The following UBE2F variants were observed in gnomAD, a reference collection of about 807,000 sequenced individuals.
The protein encoded by UBE2F is ubiquitin conjugating enzyme E2 F (putative).
A neutral mutation model predicts 29.6 loss-of-function variants in UBE2F; 5 were observed. That is an observed-to-expected ratio of 0.17 (90% CI 0.09 to 0.36). The LOEUF is 0.36. UBE2F is among the 10% of genes least tolerant of loss of function. The pLI, the probability that UBE2F is intolerant of heterozygous loss-of-function variation, is 1.00. For missense variants in UBE2F, 141 were observed against 228.5 expected (o/e 0.62, Z 2.47); for synonymous variants, 66 against 81.8 (o/e 0.81, Z 1.04).
At chr2:238,021,175 C>T (rs2064283315) in intron 5 of UBE2F, among the ~76,000 whole-genome samples, 1 of 152,166 alleles carries the variant, frequency 6.6e-6, no homozygotes, top group Non-Finnish European at 1.5e-5. Context: ...CACCACGTCT[C>T]CTCACATGTT....
intron 4 of UBE2F, among the ~76,000 whole-genome samples, chr2:238,014,905 C>T (rs2064119200): frequency 2.0e-5 from 3 of 152,214 alleles, no homozygotes; most frequent in Admixed American, 1.3e-4. Flanking sequence ...AGTATCTTTG[C>T]CAGAGACTTT....
intron 9 of UBE2F, among the ~76,000 whole-genome samples, chr2:238,036,542 G>A (rs1163068613): frequency 6.6e-6 from 1 of 152,086 alleles, no homozygotes; most frequent in Non-Finnish European, 1.5e-5. Context: ...TTTAAAACAG[G>A]TATAGCACTA....
At chr2:237,997,939 A>G (rs1273621155) in intron 4 of UBE2F, among the ~76,000 whole-genome samples, 2 of 152,214 alleles carry the variant, frequency 1.3e-5, no homozygotes, top group Non-Finnish European at 2.9e-5. Context: ...AACGTAAAAG[A>G]TAGCCTGAAA....
chr2:238,002,253 GTTTTGTTTTTGT>G lies in UBE2F; in HGVS notation c.214+7460_214+7471del, dbSNP rs796459519. ...ATAATTTTTTTTTTTTCCTCTTTCT[GTTTTGTTTTTGT>G]TTTTGTTTTTGTTTTAATTATACTT... On this transcript the variant is annotated intron_variant, in intron 4 of 9. Coordinates refer to ENST00000272930, the MANE Select transcript of UBE2F (RefSeq NM_080678.3). Among the ~76,000 whole-genome samples the G allele has an allele frequency of 5.0e-4, 76 of 151,272 alleles. 1 individual carries two copies. The highest frequency in any genetic ancestry group is 9.8e-4 in the East Asian group (5 of 5,114).
At chr2:237,980,230 T>C (rs1559202064) in intron 2 of UBE2F, among the ~76,000 whole-genome samples, 1 of 152,212 alleles carries the variant, frequency 6.6e-6, no homozygotes, top group East Asian at 1.9e-4. Flanking sequence ...GGAGCTGGCT[T>C]TTGCCAAGAG....
chr2:237,977,995 C>T (rs773154512), intron 2 of UBE2F, among the ~76,000 whole-genome samples: 5 of 152,062 alleles, frequency 3.3e-5, no homozygotes, highest in East Asian at 3.9e-4. Flanking sequence ...GCGAGGGAAG[C>T]AACAGCAGGC....
intron 9 of UBE2F, among the ~76,000 whole-genome samples, chr2:238,037,435 A>C (rs1422523085): frequency 3.3e-5 from 5 of 152,280 alleles, no homozygotes. Context: ...TGCAAAGCAC[A>C]TGGAGCAGGA....
At chr2:237,987,931 TA>T in intron 2 of UBE2F, 31 bp from the exon 3 acceptor site, 1 of 1,284,598 alleles carries the variant, frequency 7.8e-7, no homozygotes, top group Non-Finnish European at 1.1e-6. Context: ...AGTAATTGAC[TA>T]ATATTAATAA....
chr2:238,007,143 A>G (rs895496000), intron 4 of UBE2F, among the ~76,000 whole-genome samples: 1 of 151,722 alleles, frequency 6.6e-6, no homozygotes, highest in African/African-American at 2.4e-5. Context: ...TTTTTTCGAG[A>G]CAGAGTCTTG....
intron 5 of UBE2F, among the ~76,000 whole-genome samples, chr2:238,017,024 TTAAAC>T (rs1283844632): frequency 2.6e-5 from 4 of 152,242 alleles, no homozygotes; most frequent in African/African-American, 9.6e-5. Context: ...GACTTGTAGT[TTAAAC>T]TATAAGTAAT....
chr2:237,980,000 A>G (rs2106332393), intron 2 of UBE2F, among the ~76,000 whole-genome samples: 1 of 152,344 alleles, frequency 6.6e-6, no homozygotes, highest in African/African-American at 2.4e-5. Context: ...CCTGTGTGTG[A>G]GTCGAGTGTC....
At chr2:237,988,122 G>C in intron 3 of UBE2F, 130 bp downstream of exon 3, 1 of 593,298 alleles carries the variant, frequency 1.7e-6, no homozygotes, top group Non-Finnish European at 2.9e-6. Flanking sequence ...TTAATTTTCT[G>C]TGAAAAGGTA....
intron 4 of UBE2F, among the ~76,000 whole-genome samples, chr2:238,011,084 A>G (rs759518326): frequency 2.6e-5 from 4 of 152,004 alleles, no homozygotes; most frequent in Non-Finnish European, 4.4e-5. Flanking sequence ...GATAACCACA[A>G]CTGGGCTCCT....
At chr2:238,005,226 C>T (rs1384267082) in intron 4 of UBE2F, among the ~76,000 whole-genome samples, 17 of 152,136 alleles carry the variant, frequency 1.1e-4, no homozygotes, top group Admixed American at 7.2e-4. Context: ...GACAGGGTCT[C>T]GCTCTGTTGC....
intron 9 of UBE2F, among the ~76,000 whole-genome samples, chr2:238,037,119 T>G (rs2064729615): frequency 6.6e-6 from 1 of 152,210 alleles, no homozygotes; most frequent in Non-Finnish European, 1.5e-5. Context: ...AAAAATTTTT[T>G]TCCTCTAATG....
intron 1 of UBE2F, among the ~76,000 whole-genome samples, chr2:237,971,153 T>C (rs2063169134): frequency 1.3e-5 from 2 of 152,228 alleles, no homozygotes; most frequent in East Asian, 3.8e-4. Context: ...AGTATTCTTA[T>C]TTGACTTTCA....
At chr2:238,014,654 G>A (rs1471866368) in intron 4 of UBE2F, among the ~76,000 whole-genome samples, 1 of 152,206 alleles carries the variant, frequency 6.6e-6, no homozygotes, top group Non-Finnish European at 1.5e-5. Context: ...GGACAGCGCG[G>A]GTGAAGCAGC....
intron 4 of UBE2F, among the ~76,000 whole-genome samples, chr2:238,011,430 T>G (rs979489364): frequency 1.3e-5 from 2 of 152,222 alleles, no homozygotes; most frequent in Non-Finnish European, 2.9e-5. Flanking sequence ...TTTCTACTCC[T>G]TCTATTATAT....
At chr2:237,987,821 A>G in intron 2 of UBE2F, 142 bp from the exon 3 acceptor site, 2 of 565,914 alleles carry the variant, frequency 3.5e-6, no homozygotes, top group Admixed American at 3.7e-5. Context: ...CTTAAAGTCT[A>G]AACTTTAGAC....
Sources: allele counts gnomAD v4.1 joint callset (sites outside exome capture counted in the v4.1 genomes callset), GRCh38; gene constraint gnomAD v4.1.1; transcripts MANE v1.5; gene names NCBI Gene and HGNC (gene_info 2026-07-23, HGNC 2026-07-21).